ITGBL1: variants seen among roughly 807,000 people sequenced by gnomAD.
The protein encoded by ITGBL1 is integrin beta-like protein 1.
A neutral mutation model predicts 68.5 loss-of-function variants in ITGBL1; 51 were observed. The ratio of observed to expected loss-of-function variants is 0.74; its 90% CI spans 0.59 to 0.94. The LOEUF is 0.94. Among genes scored for constraint, ITGBL1 ranks in the 40% least tolerant of loss-of-function variants. ITGBL1 has a pLI of 0.00. For synonymous variants in ITGBL1, 209 were observed against 227.3 expected (o/e 0.92, Z 0.72); for missense variants, 649 against 647.4 (o/e 1.00, Z -0.03).
intron 6 of ITGBL1, among the ~76,000 whole-genome samples, chr13:101,588,297 T>TTTTGTGTGTGTG (rs1555360538): frequency 6.7e-6 from 1 of 149,672 alleles, no homozygotes; most frequent in African/African-American, 2.5e-5. Context: ...TATTCTTCCA[T>TTTTGTGTGTGTG]TGTGTGTGTG....
chr13:101,473,349 G>C, intron 2 of ITGBL1, among the ~76,000 whole-genome samples: 1 of 152,186 alleles, frequency 6.6e-6, no homozygotes, highest in South Asian at 2.1e-4. Context: ...TGCTGTTGAG[G>C]GAGAGGGAAC....
At chr13:101,539,014 G>A (rs891773581) in intron 2 of ITGBL1, among the ~76,000 whole-genome samples, 11 of 150,356 alleles carry the variant, frequency 7.3e-5, no homozygotes, top group South Asian at 2.1e-4. Context: ...GTACGGTTGC[G>A]GAGTGTGTGA....
chr13:101,488,406 A>G (rs1019710775), intron 2 of ITGBL1, among the ~76,000 whole-genome samples: 8 of 152,222 alleles, frequency 5.3e-5, no homozygotes, highest in African/African-American at 1.9e-4. Context: ...ATTAAGGCAT[A>G]TGCCTGCTTA....
intron 7 of ITGBL1, among the ~76,000 whole-genome samples, chr13:101,656,074 G>A (rs1043716195): frequency 3.9e-5 from 6 of 152,100 alleles, no homozygotes; most frequent in Admixed American, 6.6e-5. Context: ...GGGCTTCCTC[G>A]CTAAAGGTAA....
chr13:101,665,953 G>A (rs1268055972), intron 7 of ITGBL1, among the ~76,000 whole-genome samples: 1 of 152,084 alleles, frequency 6.6e-6, no homozygotes, highest in Non-Finnish European at 1.5e-5. Flanking sequence ...CTTTGTTATT[G>A]ATCCTTGTAG....
chr13:101,577,282 G>A (rs2050378713), intron 4 of ITGBL1, among the ~76,000 whole-genome samples: 1 of 152,168 alleles, frequency 6.6e-6, no homozygotes, highest in African/African-American at 2.4e-5. Flanking sequence ...CATCAGTGAA[G>A]TAGTACAAAT....
chr13:101,481,174 A>G (rs888840616), intron 2 of ITGBL1, among the ~76,000 whole-genome samples: 1 of 140,608 alleles, frequency 7.1e-6, no homozygotes, highest in Non-Finnish European at 1.5e-5. Flanking sequence ...GAGAGAGCAT[A>G]TATATACATA....
At chr13:101,706,700 T>A in intron 8 of ITGBL1, 56 bp from the exon 9 acceptor site, 4 of 1,556,726 alleles carry the variant, frequency 2.6e-6, no homozygotes, top group Non-Finnish European at 3.5e-6. Context: ...TAAAACTCTC[T>A]GCTTCAGCTG....
chr13:101,694,244 T>C (rs2033950602), intron 8 of ITGBL1, among the ~76,000 whole-genome samples: 1 of 152,186 alleles, frequency 6.6e-6, no homozygotes, highest in East Asian at 1.9e-4. Flanking sequence ...GAAATACCTA[T>C]GTAGGTTTTA....
At chr13:101,534,350 T>G (rs767344061) in intron 2 of ITGBL1, among the ~76,000 whole-genome samples, 1 of 152,198 alleles carries the variant, frequency 6.6e-6, no homozygotes, top group East Asian at 1.9e-4. Flanking sequence ...ATGTTTGCTT[T>G]TGTTTTTTAG....
At chr13:101,515,329 G>A (rs113604105) in intron 2 of ITGBL1, among the ~76,000 whole-genome samples, 29 of 151,804 alleles carry the variant, frequency 1.9e-4, no homozygotes, top group East Asian at 9.7e-4. Flanking sequence ...TTAAAACCCC[G>A]GGTATTTTTT....
At chr13:101,603,171 G>A (rs1898202) in intron 7 of ITGBL1, among the ~76,000 whole-genome samples, 151,403 of 152,038 alleles carry the variant, frequency 1, 75,386 homozygotes, top group Middle Eastern at 1. Flanking sequence ...CAAAATGACA[G>A]TACCATTTTA....
rs780524444 is a variant in ITGBL1 at position 101,579,445 on chromosome 13, G to A, written c.727+18G>A. ...TAACAGAGGTGTGTCATTCATACAT[G>A]TTACTACATAATGGGGAGGCAAACA... On this transcript the variant is annotated intron_variant, in intron 5 of 10. Coordinates refer to ENST00000376180, the MANE Select transcript of ITGBL1 (RefSeq NM_004791.3). 4 of 1,611,526 alleles carry A rather than the reference G, an allele frequency of 2.5e-6. No homozygotes were observed. The highest frequency in any genetic ancestry group is 4.5e-5 in the East Asian group (2 of 44,762).
intron 7 of ITGBL1, among the ~76,000 whole-genome samples, chr13:101,680,727 C>T (rs773569094): frequency 6.6e-6 from 1 of 152,122 alleles, no homozygotes; most frequent in Admixed American, 6.5e-5. Flanking sequence ...TCAGCCCTTA[C>T]AATCATCCTG....
intron 7 of ITGBL1, among the ~76,000 whole-genome samples, chr13:101,647,917 C>T (rs939663682): frequency 1.3e-5 from 2 of 152,068 alleles, no homozygotes; most frequent in Non-Finnish European, 2.9e-5. Context: ...CTGGTGGGAG[C>T]GCTGGTGTGC....
intron 7 of ITGBL1, among the ~76,000 whole-genome samples, chr13:101,622,932 T>C (rs1285842830): frequency 6.6e-6 from 1 of 151,726 alleles, no homozygotes; most frequent in African/African-American, 2.4e-5. Context: ...TGTGTGTGTG[T>C]GTGTGTGTGT....
At chr13:101,553,380 G>A (rs1202726041) in intron 2 of ITGBL1, among the ~76,000 whole-genome samples, 1 of 152,010 alleles carries the variant, frequency 6.6e-6, no homozygotes, top group East Asian at 1.9e-4. Context: ...CACCTCTTAA[G>A]CATATATATT....
chr13:101,583,428 A>G, intron 6 of ITGBL1, 72 bp downstream of exon 6: 1 of 1,198,828 alleles, frequency 8.3e-7, no homozygotes, highest in Non-Finnish European at 1.1e-6. Flanking sequence ...AAAAAAAAAA[A>G]AGCAATTAGA....
At chr13:101,662,550 G>T (rs183228822) in intron 7 of ITGBL1, among the ~76,000 whole-genome samples, 4 of 151,970 alleles carry the variant, frequency 2.6e-5, no homozygotes, top group African/African-American at 9.7e-5. Flanking sequence ...ACATACATTT[G>T]GTTGTTCTTA....
Sources: gnomAD v4.1 joint callset for allele counts (sites outside exome capture counted in the v4.1 genomes callset) on GRCh38, gnomAD v4.1.1 for gene constraint, MANE v1.5 for transcripts, NCBI Gene and HGNC (gene_info 2026-07-23, HGNC 2026-07-21) for gene names.